The following IGSF3 variants were observed in gnomAD, a reference collection of about 807,000 sequenced individuals.
The protein encoded by IGSF3 is immunoglobulin superfamily member 3, also known as glu-Trp-Ile EWI motif-containing protein 3.
IGSF3 carries 23 observed loss-of-function variants against 114.4 expected under a neutral mutation model. The ratio of observed to expected loss-of-function variants is 0.20; its 90% CI spans 0.14 to 0.28. The LOEUF (loss-of-function observed/expected upper bound fraction) is 0.28. Among genes scored for constraint, IGSF3 ranks in the 10% least tolerant of loss-of-function variants. The pLI, the probability that IGSF3 is intolerant of heterozygous loss-of-function variation, is 1.00. For missense variants in IGSF3, 1,172 were observed against 1,591.5 expected (o/e 0.74, Z 4.48); for synonymous variants, 571 against 645.2 (o/e 0.88, Z 1.74).
rs1660739291 is a variant in IGSF3 at position 116,605,102 on chromosome 1, T to C, written c.1223-1077A>G. On this transcript the variant is annotated intron_variant, in intron 5 of 10. Transcript: ENST00000369486. This position sits in a 1 kb window ranked among gnomAD's most constrained non-coding sequence, Gnocchi z 5.1. ...TTTTGTATAATTATCTATATTGAGT[T>C]CAGAAGGTCTGTAAGTATTAAAGAA... Among the ~76,000 whole-genome samples the C allele has an allele frequency of 1.3e-5, 2 of 152,254 alleles. No homozygotes were observed. The highest frequency in any genetic ancestry group is 4.8e-5 in the African/African-American group (2 of 41,534).
chr1:116,643,807 T>C (rs935710410), intron 2 of IGSF3, among the ~76,000 whole-genome samples: 3 of 152,222 alleles, frequency 2.0e-5, no homozygotes, highest in Non-Finnish European at 2.9e-5. Flanking sequence ...GTGAGGATGC[T>C]GAAGTCCAGA....
rs988882646 is a variant in IGSF3, at chr1:116,650,803, T to C, written c.43+15481A>G. 2.0e-5 allele frequency among the ~76,000 whole-genome samples: 3 copies of C among 152,180 alleles called. No homozygotes were observed. Among genetic ancestry groups the C allele is most frequent in the Non-Finnish European group, 2.9e-5 (2 of 68,024 alleles). ...TGTGCATTATAATAGGGTGCTACAA[T>C]TGGACATGTGTGCACAGAAAATGGA... On this transcript the variant is annotated intron_variant, in intron 2 of 10. Transcript: ENST00000369486. This position sits in a 1 kb window ranked among gnomAD's most constrained non-coding sequence, Gnocchi z 5.0.
intron 2 of IGSF3, among the ~76,000 whole-genome samples, chr1:116,631,090 G>A (rs1475355949): frequency 3.9e-5 from 6 of 151,916 alleles, no homozygotes; most frequent in African/African-American, 1.5e-4. Flanking sequence ...AGGCCGAGGC[G>A]GGTGGATCAT....
intron 7 of IGSF3, among the ~76,000 whole-genome samples, chr1:116,597,006 T>C (rs1018621026): frequency 3.3e-5 from 5 of 152,234 alleles, no homozygotes; most frequent in East Asian, 1.9e-4. Context: ...AATTCTTCTG[T>C]AAAGGACACG....
At position 116,632,653 on chromosome 1, in the gene IGSF3, C is replaced by T. The variant is rs181585008; in HGVS notation, c.44-16196G>A. On this transcript the variant is annotated intron_variant, in intron 2 of 10. Transcript: ENST00000369486. This position sits in a 1 kb window ranked among gnomAD's most constrained non-coding sequence, Gnocchi z 5.1. ...AGAAAAGCATTAAAGGAAATCCATG[C>T]TCTGGAGGGGAGAAAGAGAGGCTGT... Among the ~76,000 whole-genome samples the T allele has an allele frequency of 6.6e-6, 1 of 152,292 alleles. No individual in the cohort carries two copies. Among genetic ancestry groups the T allele is most frequent in the Admixed American group, 6.5e-5 (1 of 15,302 alleles).
rs1417217430 is a variant in IGSF3, at chr1:116,657,302, T to C, written c.43+8982A>G. Among the ~76,000 whole-genome samples, 1 of 152,126 alleles carries C rather than the reference T, an allele frequency of 6.6e-6. No homozygotes were observed. Among genetic ancestry groups the C allele is most frequent in the East Asian group, 1.9e-4 (1 of 5,190 alleles). ...TAGCAAGGTCAATCAAGGTCACCAA[T>C]GCAAAGAAGTAGTGGGCAAACACCA... On this transcript the variant is annotated intron_variant, in intron 2 of 10. Coordinates refer to ENST00000369486, the MANE Select transcript of IGSF3 (RefSeq NM_001007237.3). The surrounding 1 kb of genome is among the most constrained non-coding windows in gnomAD (Gnocchi z 4.2).
At chr1:116,653,154 A>C (rs1180180775) in intron 2 of IGSF3, among the ~76,000 whole-genome samples, 1 of 152,232 alleles carries the variant, frequency 6.6e-6, no homozygotes, top group Non-Finnish European at 1.5e-5. Context: ...TGAATGTCTT[A>C]AGAGATTAGT....
intron 2 of IGSF3, 62 bp downstream of exon 2, chr1:116,666,222 T>C (rs1054290020): frequency 1.1e-5 from 16 of 1,469,568 alleles, no homozygotes; most frequent in Middle Eastern, 3.4e-4. Context: ...CACGAGAAAT[T>C]ACAGGAACCA....
In IGSF3 at chr1:116,600,150, C is replaced by T; in HGVS notation, c.1820G>A (p.Gly607Glu). ...TFTRDGGVQW[G>E]DRSSSFRTRT... ...GGTTCGGAAGCTGGAGGACCTGTCCCCCCACTGGACCCCTCCGTCCCGGGT... is the reference window on the plus strand; with the variant it reads ...GGTTCGGAAGCTGGAGGACCTGTCCTCCCACTGGACCCCTCCGTCCCGGGT... Residue 607 changes from glycine to glutamate, a missense_variant, in exon 7 of 11, where the codon GGG (glycine) becomes GAG (glutamate). Gly to Glu is a moderately conservative substitution (Grantham distance 98). Coordinates refer to ENST00000369486, the MANE Select transcript of IGSF3 (RefSeq NM_001007237.3). This position sits in a 1 kb window ranked among gnomAD's most constrained non-coding sequence, Gnocchi z 5.5. 8.7e-6 allele frequency: 14 copies of T among 1,614,050 alleles called. No homozygotes were observed. The highest frequency in any genetic ancestry group is 1.2e-5 in the Non-Finnish European group (14 of 1,179,930).
intron 2 of IGSF3, among the ~76,000 whole-genome samples, chr1:116,620,838 T>C (rs1255230418): frequency 6.6e-6 from 1 of 152,140 alleles, no homozygotes; most frequent in African/African-American, 2.4e-5. Context: ...CCTCCGAGGC[T>C]CAAGTGATCC....
chr1:116,598,324 C>T lies in IGSF3; in HGVS notation c.2029+1617G>A, dbSNP rs375029626. Among the ~76,000 whole-genome samples the T allele has an allele frequency of 7.2e-5, 11 of 152,224 alleles. No homozygotes were observed. The highest frequency in any genetic ancestry group is 2.6e-4 in the African/African-American group (11 of 41,514). On this transcript the variant is annotated intron_variant, in intron 7 of 10. Coordinates refer to ENST00000369486, the MANE Select transcript of IGSF3 (RefSeq NM_001007237.3). This position sits in a 1 kb window ranked among gnomAD's most constrained non-coding sequence, Gnocchi z 4.3. Reference sequence around the variant, plus strand: ...CAATAATGCAGGCAAGTGGGTACCTCGACATTTTCCACAACAAGGGTTCAC... The same window carrying T: ...CAATAATGCAGGCAAGTGGGTACCTTGACATTTTCCACAACAAGGGTTCAC...
chr1:116,645,089 A>G (rs1648300555), intron 2 of IGSF3, among the ~76,000 whole-genome samples: 1 of 152,216 alleles, frequency 6.6e-6, no homozygotes, highest in Non-Finnish European at 1.5e-5. Context: ...TAGTAGCCCC[A>G]AACTGGAAAC....
chr1:116,641,337 A>C (rs1648085726), intron 2 of IGSF3, among the ~76,000 whole-genome samples: 1 of 151,942 alleles, frequency 6.6e-6, no homozygotes, highest in African/African-American at 2.4e-5. Context: ...CTCTACTAAA[A>C]ATACAAAAAT....
rs2101273884 is a variant in IGSF3 at position 116,577,091 on chromosome 1, T to C, written c.*221A>G. On this transcript the variant is annotated 3_prime_UTR_variant, in exon 11 of 11. Coordinates refer to ENST00000369486, the MANE Select transcript of IGSF3 (RefSeq NM_001007237.3). This position sits in a 1 kb window ranked among gnomAD's most constrained non-coding sequence, Gnocchi z 5.7. ...AAAAACAGAAACAAGAAATCTATAA[T>C]GGCAGGATCACAACATTTGCGCGCA... is the stretch of plus-strand genomic sequence containing the variant. 1 of 558,420 alleles carries C rather than the reference T, an allele frequency of 1.8e-6. No individual in the cohort carries two copies. 34.6% of individuals were successfully genotyped at this position (558,420 alleles called of 1,614,324 possible).
rs190423468 is a variant in IGSF3 at position 116,665,358 on chromosome 1, C to T, written c.43+926G>A. Among the ~76,000 whole-genome samples the T allele has an allele frequency of 6.6e-6, 1 of 152,228 alleles. No individual in the cohort carries two copies. Among genetic ancestry groups the T allele is most frequent in the African/African-American group, 2.4e-5 (1 of 41,516 alleles). On this transcript the variant is annotated intron_variant, in intron 2 of 10. Coordinates refer to ENST00000369486, the MANE Select transcript of IGSF3 (RefSeq NM_001007237.3). The surrounding 1 kb of genome is among the most constrained non-coding windows in gnomAD (Gnocchi z 4.0). ...TCCCTTCTGAATGCAGAGGACCGAG[C>T]CTTACAGAGAGGGCAGGGGGTGTGC...
In IGSF3 at chr1:116,665,094, C is replaced by T. The variant is rs554323030; in HGVS notation, c.43+1190G>A. 2.0e-4 allele frequency among the ~76,000 whole-genome samples: 31 copies of T among 152,334 alleles called. No individual in the cohort carries two copies. Among genetic ancestry groups the T allele is most frequent in the Non-Finnish European group, 3.8e-4 (26 of 68,044 alleles). ...CACCTTATATCCTTTAGTTATCACA[C>T]CTTCCCTTGTTTTATTGTTTCTGTT... On this transcript the variant is annotated intron_variant, in intron 2 of 10. Coordinates refer to ENST00000369486, the MANE Select transcript of IGSF3 (RefSeq NM_001007237.3). The surrounding 1 kb of genome is among the most constrained non-coding windows in gnomAD (Gnocchi z 4.0).
rs1649345040 is a variant in IGSF3 at position 116,666,620 on chromosome 1, G to C, written c.-294C>G. The C allele has an allele frequency of 6.7e-6, 4 of 594,326 alleles. No homozygotes were observed. The highest frequency in any genetic ancestry group is 2.8e-5 in the East Asian group (1 of 36,166). 36.8% of individuals were successfully genotyped at this position (594,326 alleles called of 1,614,324 possible). On this transcript the variant is annotated 5_prime_UTR_variant, in exon 2 of 11. Transcript: ENST00000369486. ...CCTTGCAGTTTCCACTGAAATTGCA[G>C]ACTGTAGTGGATTAATCCTCCAGAA... is the stretch of plus-strand genomic sequence containing the variant.
At chr1:116,611,932 C>T (rs2101484425) in intron 4 of IGSF3, among the ~76,000 whole-genome samples, 1 of 152,202 alleles carries the variant, frequency 6.6e-6, no homozygotes, top group South Asian at 2.1e-4. Flanking sequence ...TGGAGACTGG[C>T]TACATGTTTA....
At chr1:116,609,664 G>T (rs545977299) in intron 4 of IGSF3, among the ~76,000 whole-genome samples, 2 of 152,034 alleles carry the variant, frequency 1.3e-5, no homozygotes, top group Non-Finnish European at 2.9e-5. Flanking sequence ...TGGCAGAGAC[G>T]TTTGAATTCC....
Sources: allele counts gnomAD v4.1 joint callset (sites outside exome capture counted in the v4.1 genomes callset), GRCh38; gene constraint gnomAD v4.1.1; non-coding constraint Gnocchi (gnomAD v3.1); transcripts MANE v1.5; gene names NCBI Gene and HGNC (gene_info 2026-07-23, HGNC 2026-07-21).